DPM1: variants seen among roughly 807,000 people sequenced by gnomAD.
The protein encoded by DPM1 is dolichol-phosphate mannosyltransferase subunit 1.
DPM1 carries 27 observed loss-of-function variants against 39.0 expected under a neutral mutation model. The ratio of observed to expected loss-of-function variants is 0.69; its 90% CI spans 0.51 to 0.95. DPM1 has a LOEUF of 0.95. Among genes scored for constraint, DPM1 ranks in the 40% least tolerant of loss-of-function variants. The pLI, the probability that DPM1 is intolerant of heterozygous loss-of-function variation, is 0.00. For missense variants in DPM1, 307 were observed against 315.6 expected, an observed-to-expected ratio of 0.97 and a Z score of 0.21; for synonymous variants, 124 against 109.0, an observed-to-expected ratio of 1.14 and a Z score of -0.86.
chr20:50,948,552 C>T (rs1986411148), intron 3 of DPM1, 77 bp downstream of exon 3: 1 of 1,426,728 alleles, frequency 7.0e-7, no homozygotes, highest in South Asian at 1.1e-5. Context: ...GGCCCTATTC[C>T]AAACTGGGAA....
At chr20:50,953,615 T>C (rs1281330462) in intron 2 of DPM1, among the ~76,000 whole-genome samples, 1 of 152,174 alleles carries the variant, frequency 6.6e-6, no homozygotes, top group Non-Finnish European at 1.5e-5. Flanking sequence ...TGAATGCAAC[T>C]TTTTTTCTCA....
rs949991909 is a variant in DPM1, at chr20:50,943,253, T to C, written c.399-1127A>G. On this transcript the variant is annotated intron_variant, in intron 5 of 8. Coordinates refer to ENST00000371588, the MANE Select transcript of DPM1 (RefSeq NM_003859.3). ...AGCTCTTTCCCATTCTTTTTAATAA[T>C]TGCAAAACTACTTCATAGAATATTC... Among the ~76,000 whole-genome samples, 19 of 152,340 alleles carry C rather than the reference T, an allele frequency of 1.2e-4. No individual in the cohort carries two copies. The East Asian group carries it at 2.3e-3, about 19-fold the overall frequency.
chr20:50,956,257 T>C (rs1260364412), intron 1 of DPM1, among the ~76,000 whole-genome samples: 2 of 152,208 alleles, frequency 1.3e-5, no homozygotes, highest in Non-Finnish European at 2.9e-5. Context: ...ACTTGGTGGA[T>C]AAATAATACC....
At chr20:50,947,785 C>T (rs1202252991) in intron 3 of DPM1, among the ~76,000 whole-genome samples, 1 of 152,096 alleles carries the variant, frequency 6.6e-6, no homozygotes, top group Non-Finnish European at 1.5e-5. Context: ...CGCGTCACGA[C>T]GCCCAGCTAA....
chr20:50,955,138 C>T, intron 2 of DPM1, 48 bp downstream of exon 2: 2 of 1,340,012 alleles, frequency 1.5e-6, no homozygotes, highest in Non-Finnish European at 2.1e-6. Context: ...TCATCTTTCC[C>T]CTACATAATC....
At chr20:50,939,174 T>A (rs988595668) in intron 7 of DPM1, among the ~76,000 whole-genome samples, 2 of 151,942 alleles carry the variant, frequency 1.3e-5, no homozygotes, top group Non-Finnish European at 2.9e-5. Flanking sequence ...CCTCACCCCA[T>A]TCCTCTCCCT....
At chr20:50,936,347 G>A in intron 7 of DPM1, 85 bp from the exon 8 acceptor site, 2 of 877,062 alleles carry the variant, frequency 2.3e-6, no homozygotes, top group Admixed American at 2.1e-5. Flanking sequence ...TCACTGGTAT[G>A]TATAAAGCCT....
In DPM1 at chr20:50,935,038, T is replaced by G; in HGVS notation, c.*94A>C. 1.3e-6 allele frequency: 1 copy of G among 742,490 alleles called. No individual in the cohort carries two copies. Among genetic ancestry groups the G allele is most frequent in the South Asian group, 1.6e-5 (1 of 62,852 alleles). The allele number at this position is 742,490 out of a possible 1,614,324, so 46.0% of individuals were successfully genotyped here. A position where few individuals can be genotyped will look rare whatever the true frequency, so the allele number is the denominator to read the frequency against. On this transcript the variant is annotated 3_prime_UTR_variant, in exon 9 of 9. Coordinates refer to ENST00000371588, the MANE Select transcript of DPM1 (RefSeq NM_003859.3). Reference sequence around the variant, plus strand: ...CATGAAATTTACCTTACCTTATATTTTATACTTTAAGAGTACATTTTATAC... The same window carrying G: ...CATGAAATTTACCTTACCTTATATTGTATACTTTAAGAGTACATTTTATAC...
At chr20:50,941,524 C>T (rs58525549) in intron 6 of DPM1, among the ~76,000 whole-genome samples, 1 of 151,036 alleles carries the variant, frequency 6.6e-6, no homozygotes, top group Non-Finnish European at 1.5e-5. Context: ...GCAACCTGGG[C>T]CACATGGTGA....
intron 6 of DPM1, chr20:50,941,329 C>CATATATATTCGTATT: frequency 8.0e-6 from 1 of 124,374 alleles, no homozygotes; most frequent in South Asian, 2.4e-4. Context: ...ATTATATATT[C>CATATATATTCGTATT]ATATATATTC....
intron 2 of DPM1, among the ~76,000 whole-genome samples, chr20:50,948,992 C>G (rs1430826741): frequency 6.6e-6 from 1 of 152,056 alleles, no homozygotes; most frequent in Non-Finnish European, 1.5e-5. Context: ...TCCAGAGTAG[C>G]TGGGATTACA....
At chr20:50,948,166 T>A (rs1464486161) in intron 3 of DPM1, among the ~76,000 whole-genome samples, 1 of 152,162 alleles carries the variant, frequency 6.6e-6, no homozygotes, top group East Asian at 1.9e-4. Flanking sequence ...CTCCCTCTGT[T>A]ACTCTCCCTC....
intron 1 of DPM1, among the ~76,000 whole-genome samples, chr20:50,957,697 A>T (rs1986903127): frequency 6.6e-6 from 1 of 152,264 alleles, no homozygotes; most frequent in Non-Finnish European, 1.5e-5. Flanking sequence ...AAAAGTCTTC[A>T]AAGATTTCAC....
intron 7 of DPM1, 41 bp from the exon 8 acceptor site, chr20:50,936,303 A>G: frequency 7.7e-7 from 1 of 1,306,504 alleles, no homozygotes; most frequent in Non-Finnish European, 1.1e-6. Context: ...CTGGATAAAT[A>G]CACATGCCTA....
chr20:50,942,112 C>A lies in DPM1; in HGVS notation c.413G>T (p.Gly138Val). ...AGTTCCAGAGACAATATCAAAATTA[C>A]CCTCCTTTTGCTTCCTGTAGAATAA... ...IPEFIRKQKEGNFDIVSGTRY... is the reference protein window; with the variant it reads ...IPEFIRKQKEVNFDIVSGTRY... Residue 138 changes from glycine (G) to valine (V), a missense_variant, in exon 6 of 9, where the codon GGT (glycine) becomes GTT (valine). By Grantham distance (109) the Gly-to-Val change is moderately radical (BLOSUM62 -3). This residue lies in a region of DPM1 where 206 missense variants were observed against 188.2 expected (regional missense o/e 1.09). Transcript: ENST00000371588. 1 of 1,613,968 alleles carries A rather than the reference C, an allele frequency of 6.2e-7. No homozygotes were observed. The highest frequency in any genetic ancestry group is 1.3e-5 in the African/African-American group (1 of 75,044).
chr20:50,951,800 AAAT>A (rs201681352), intron 2 of DPM1, among the ~76,000 whole-genome samples: 2,807 of 148,538 alleles, frequency 0.019, 83 homozygotes, highest in African/African-American at 0.069. Flanking sequence ...AAAAAAAAAT[AAAT>A]AAATAAATAA....
chr20:50,957,267 G>A (rs576824325), intron 1 of DPM1, among the ~76,000 whole-genome samples: 2 of 152,332 alleles, frequency 1.3e-5, no homozygotes, highest in Admixed American at 6.5e-5. Context: ...CGGGCTGGTT[G>A]ATAGGGAAAC....
At chr20:50,946,918 C>CA (rs1986320359) in intron 3 of DPM1, among the ~76,000 whole-genome samples, 1 of 152,052 alleles carries the variant, frequency 6.6e-6, no homozygotes, top group East Asian at 1.9e-4. Flanking sequence ...ACTAAAAATA[C>CA]AAAAAATTGG....
intron 1 of DPM1, 46 bp downstream of exon 1, chr20:50,958,317 A>G (rs1465866744): frequency 2.5e-6 from 4 of 1,605,652 alleles, no homozygotes; most frequent in Non-Finnish European, 2.5e-6. Context: ...CGGGCCGGGG[A>G]AGCCAGCTCA....
Sources: allele counts gnomAD v4.1 joint callset (sites outside exome capture counted in the v4.1 genomes callset), GRCh38; gene constraint gnomAD v4.1.1; regional missense constraint gnomAD v4.1.1; transcripts MANE v1.5; gene names NCBI Gene and HGNC (gene_info 2026-07-23, HGNC 2026-07-21).